The following DPY30 variants were observed in gnomAD, a reference collection of about 807,000 sequenced individuals.
The protein encoded by DPY30 is dpy-30 histone methyltransferase complex regulatory subunit, also known as protein dpy-30 homolog.
DPY30 carries 6 observed loss-of-function variants against 16.2 expected under a neutral mutation model. The observed-to-expected ratio is 0.37, with a 90% CI of 0.20 to 0.73. The LOEUF (loss-of-function observed/expected upper bound fraction) is 0.73. Ranked by LOEUF, DPY30 falls within the 30% of genes least tolerant of loss-of-function variation. The pLI, the probability that DPY30 is intolerant of heterozygous loss-of-function variation, is 0.51. For missense variants in DPY30, 73 were observed against 113.1 expected (o/e 0.65, Z 1.61); for synonymous variants, 39 against 38.8 (o/e 1.00, Z -0.02).
intron 4 of DPY30, 40 bp downstream of exon 4, chr2:32,029,554 C>T (rs1361469228): frequency 1.2e-6 from 2 of 1,601,852 alleles, no homozygotes; most frequent in East Asian, 2.2e-5. Flanking sequence ...ATCTATTTTG[C>T]TTTCTTTACT....
chr2:32,020,493 C>T (rs757200559), downstream of DPY30, among the ~76,000 whole-genome samples: 3 of 152,118 alleles, frequency 2.0e-5, no homozygotes, highest in Non-Finnish European at 4.4e-5. Flanking sequence ...ACCTGGGTGA[C>T]AGAGCAAGAC....
chr2:32,020,195 G>A (rs564264582), downstream of DPY30, among the ~76,000 whole-genome samples: 3 of 151,990 alleles, frequency 2.0e-5, no homozygotes, highest in African/African-American at 7.2e-5. Context: ...GACAGAGCAA[G>A]ACTCCGTCTC....
At chr2:32,036,481 C>G (rs1675742803) in intron 3 of DPY30, among the ~76,000 whole-genome samples, 1 of 151,952 alleles carries the variant, frequency 6.6e-6, no homozygotes, top group African/African-American at 2.4e-5. Context: ...ACCATCCTGG[C>G]TAACACGGTG....
intron 3 of DPY30, 88 bp downstream of exon 3, chr2:32,039,191 T>C (rs1305198537): frequency 1.3e-6 from 2 of 1,538,412 alleles, no homozygotes; most frequent in Admixed American, 3.3e-5. Flanking sequence ...TTTTCCCTTG[T>C]GCATAGCCAC....
At chr2:32,022,145 G>A (rs1006133407), downstream of DPY30, among the ~76,000 whole-genome samples, 7 of 151,818 alleles carry the variant, frequency 4.6e-5, no homozygotes, top group Admixed American at 1.3e-4. Flanking sequence ...GGGAGCCAGA[G>A]GTTGCAGTGA....
intron 3 of DPY30, among the ~76,000 whole-genome samples, chr2:32,033,621 G>A (rs923096663): frequency 1.3e-5 from 2 of 152,194 alleles, no homozygotes. Context: ...GCGGTGAGCC[G>A]AGATCGCGCC....
rs1457150353 is a variant in DPY30 at position 32,029,596 on chromosome 2, T to G, written c.225A>C (p.Glu75Asp). 6.2e-7 allele frequency: 1 copy of G among 1,612,258 alleles called. No individual in the cohort carries two copies. Among genetic ancestry groups the G allele is most frequent in the Non-Finnish European group, 8.5e-7 (1 of 1,179,794 alleles). Residue 75 changes from glutamate (E) to aspartate (D), a missense_variant and splice_region_variant, in exon 4 of 5, where the codon GAA becomes GAC. By Grantham distance (45) the Glu-to-Asp change is conservative. Transcript: ENST00000342166. ...ATTTGTGGACACAATTATCTTACCTTTCCTTTGCAAGCACAGCAAGTCCCT... is the reference window on the plus strand; with the variant it reads ...ATTTGTGGACACAATTATCTTACCTGTCCTTTGCAAGCACAGCAAGTCCCT... Reference protein sequence around the residue: ...LLQGLAVLAKERPPNPIEFLA... With the variant: ...LLQGLAVLAKDRPPNPIEFLA...
chr2:32,039,543 A>G (rs1354717183), intron 1 of DPY30, 51 bp from the exon 2 acceptor site: 1 of 1,586,352 alleles, frequency 6.3e-7, no homozygotes, highest in Non-Finnish European at 8.6e-7. Flanking sequence ...CAACACGAAG[A>G]CTCCAGGATG....
chr2:32,028,099 A>G (rs1675400959), intron 4 of DPY30, among the ~76,000 whole-genome samples: 1 of 151,768 alleles, frequency 6.6e-6, no homozygotes, highest in African/African-American at 2.4e-5. Flanking sequence ...TACTATAAGA[A>G]ATGATATATT....
At chr2:32,030,681 C>T (rs1675504753) in intron 3 of DPY30, among the ~76,000 whole-genome samples, 1 of 151,696 alleles carries the variant, frequency 6.6e-6, no homozygotes, top group South Asian at 2.1e-4. Flanking sequence ...TGCCTGTAGC[C>T]CCAGCTACTC....
At chr2:32,036,902 C>T (rs773950530) in intron 3 of DPY30, among the ~76,000 whole-genome samples, 2 of 151,898 alleles carry the variant, frequency 1.3e-5, no homozygotes, top group Non-Finnish European at 2.9e-5. Flanking sequence ...CAAGACACGC[C>T]ACAACCAAAT....
intron 3 of DPY30, among the ~76,000 whole-genome samples, chr2:32,038,802 C>T (rs1222687663): frequency 2.0e-5 from 3 of 152,066 alleles, no homozygotes. Flanking sequence ...CATCCACCAT[C>T]ATGCCCGGCT....
intron 3 of DPY30, 118 bp downstream of exon 3, chr2:32,039,161 T>C: frequency 8.3e-7 from 1 of 1,198,424 alleles, no homozygotes; most frequent in Non-Finnish European, 1.2e-6. Context: ...CTTGATACTA[T>C]TCAGTTCACG....
intron 3 of DPY30, among the ~76,000 whole-genome samples, chr2:32,038,410 G>A (rs1456503535): frequency 3.8e-5 from 1 of 26,216 alleles, no homozygotes; most frequent in Admixed American, 3.5e-4. Flanking sequence ...CTTATTTTGA[G>A]GGGGGGGGGG....
intron 3 of DPY30, among the ~76,000 whole-genome samples, chr2:32,038,093 G>A (rs1351349177): frequency 6.6e-6 from 1 of 150,534 alleles, no homozygotes; most frequent in African/African-American, 2.4e-5. Context: ...AGGCAGGTTG[G>A]CATTTTTGCA....
chr2:32,016,421 TA>T (rs1675066604), intron 5 of DPY30, among the ~76,000 whole-genome samples: 1 of 152,222 alleles, frequency 6.6e-6, no homozygotes, highest in African/African-American at 2.4e-5. Context: ...CTCCAATTGG[TA>T]ATGCCATTTT....
At chr2:32,025,534 G>A (rs1024884976) in intron 4 of DPY30, among the ~76,000 whole-genome samples, 6 of 150,640 alleles carry the variant, frequency 4.0e-5, no homozygotes, top group Non-Finnish European at 7.4e-5. Context: ...GGGCCAAGGC[G>A]GGCAGATCAC....
At chr2:32,027,833 T>C (rs1043350712) in intron 4 of DPY30, among the ~76,000 whole-genome samples, 1 of 151,854 alleles carries the variant, frequency 6.6e-6, no homozygotes, top group Non-Finnish European at 1.5e-5. Flanking sequence ...TTTCACTGCA[T>C]TAGCCAGGAT....
intron 4 of DPY30, among the ~76,000 whole-genome samples, chr2:32,024,731 T>G (rs539125481): frequency 1.3e-5 from 2 of 152,276 alleles, no homozygotes; most frequent in Admixed American, 1.3e-4. Context: ...GGACAGTGGA[T>G]GTAGCATCAC....
Sources: gnomAD v4.1 joint callset for allele counts (sites outside exome capture counted in the v4.1 genomes callset) on GRCh38, gnomAD v4.1.1 for gene constraint, MANE v1.5 for transcripts, NCBI Gene and HGNC (gene_info 2026-07-23, HGNC 2026-07-21) for gene names.